Variants in ATG7 observed in about 807,000 individuals in gnomAD.
The protein encoded by ATG7 is autophagy related 7, also known as ubiquitin-like modifier-activating enzyme ATG7.
ATG7 carries 70 observed loss-of-function variants against 82.4 expected under a neutral mutation model. The observed-to-expected ratio is 0.85, with a 90% CI of 0.70 to 1.04. ATG7 has a LOEUF of 1.04. ATG7 is among the 50% of genes least tolerant of loss of function. The pLI is 0.00. For missense variants in ATG7, 792 were observed against 864.3 expected (o/e 0.92, Z 1.05); for synonymous variants, 287 against 313.0 (o/e 0.92, Z 0.88).
the ATG7 span, among the ~76,000 whole-genome samples, chr3:11,567,172 C>A: frequency 6.6e-6 from 1 of 152,150 alleles, no homozygotes; most frequent in African/African-American, 2.4e-5. Flanking sequence ...CCGAGGCGTT[C>A]CGAGCCTCGG....
chr3:11,375,557 T>A (rs1172274473), intron 18 of ATG7, among the ~76,000 whole-genome samples: 1 of 38,532 alleles, frequency 2.6e-5, no homozygotes, highest in Non-Finnish European at 9.2e-5. Context: ...GCTAGTGAGA[T>A]TTTTTTTTCC....
chr3:11,374,732 T>C (rs2077265990), intron 18 of ATG7, among the ~76,000 whole-genome samples: 1 of 151,924 alleles, frequency 6.6e-6, no homozygotes, highest in East Asian at 1.9e-4. Context: ...GGTGAAACCC[T>C]GTCTCGACTA....
At chr3:11,458,116 C>G (rs1348265892) in intron 20 of ATG7, among the ~76,000 whole-genome samples, 2 of 152,038 alleles carry the variant, frequency 1.3e-5, no homozygotes, top group Admixed American at 1.3e-4. Context: ...AAACAGCCCT[C>G]TGTTTTGCTA....
chr3:11,504,640 A>G (rs1438655929), intron 20 of ATG7, among the ~76,000 whole-genome samples: 4 of 152,258 alleles, frequency 2.6e-5, no homozygotes, highest in Admixed American at 2.6e-4. Flanking sequence ...GTCTGAACAT[A>G]TATTTAGGAG....
Position 11,306,972 on chromosome 3 carries a change from C to T in ATG7, c.245C>T (p.Pro82Leu), listed in dbSNP as rs370865102. Residue 82 changes from proline (P) to leucine (L), a missense_variant, in exon 6 of 21, where the codon CCA (proline) becomes CTA (leucine). Transcript: ENST00000693202. ...MSAPTPARCC[P>L]AIGTLYNTNT... Reference sequence around the variant, plus strand: ...GCTCCCACCCCAGCCCGTTGCTGCCCAGCTATTGGAACACTGTATAACACC... The same window carrying T: ...GCTCCCACCCCAGCCCGTTGCTGCCTAGCTATTGGAACACTGTATAACACC... 2.7e-5 allele frequency: 43 copies of T among 1,613,894 alleles called. No individual in the cohort carries two copies. Among genetic ancestry groups the T allele is most frequent in the Non-Finnish European group, 3.4e-5 (40 of 1,179,972 alleles).
intron 20 of ATG7, among the ~76,000 whole-genome samples, chr3:11,537,783 C>T (rs994615073): frequency 2.0e-5 from 3 of 152,166 alleles, no homozygotes; most frequent in African/African-American, 7.2e-5. Flanking sequence ...CCTTGATAAC[C>T]TCTGTATGGT....
chr3:11,554,905 G>A lies in ATG7; in HGVS notation c.*62G>A, dbSNP rs565480766. On this transcript the variant is annotated 3_prime_UTR_variant, in exon 21 of 21. Transcript: ENST00000693202. The stretch of plus-strand genomic sequence containing the variant: ...CCTGCTGAGGAGCTCTCCATCGCCA[G>A]AGCAGGACTGCTGACCCCAGGCCTG... 25 of 1,583,738 alleles carry A rather than the reference G, an allele frequency of 1.6e-5. No individual in the cohort carries two copies. Among genetic ancestry groups the A allele is most frequent in the Non-Finnish European group, 2.1e-5 (25 of 1,165,012 alleles).
chr3:11,485,133 G>T (rs761809880), intron 20 of ATG7, among the ~76,000 whole-genome samples: 4 of 152,160 alleles, frequency 2.6e-5, no homozygotes, highest in East Asian at 3.8e-4. Context: ...ACTTCCACAA[G>T]GGTTGAACTA....
intron 13 of ATG7, among the ~76,000 whole-genome samples, chr3:11,345,939 G>A (rs951310547): frequency 2.0e-5 from 3 of 152,174 alleles, no homozygotes; most frequent in Admixed American, 6.5e-5. Flanking sequence ...TTTTCCTACC[G>A]CTTTTTCACT....
chr3:11,427,479 G>A (rs1383906302), intron 20 of ATG7, among the ~76,000 whole-genome samples: 3 of 141,160 alleles, frequency 2.1e-5, no homozygotes, highest in African/African-American at 7.9e-5. Context: ...TAATTTCCTG[G>A]GTCATTGCAT....
chr3:11,521,515 G>A (rs1259443434), intron 20 of ATG7, among the ~76,000 whole-genome samples: 2 of 151,902 alleles, frequency 1.3e-5, no homozygotes, highest in South Asian at 2.1e-4. Context: ...CAGGGCTGCC[G>A]TGGGAGCAGC....
intron 20 of ATG7, among the ~76,000 whole-genome samples, chr3:11,462,658 T>C (rs2086428272): frequency 6.6e-6 from 1 of 151,992 alleles, no homozygotes; most frequent in South Asian, 2.1e-4. Context: ...TGGCTCTGAA[T>C]TGGTTAGTTC....
chr3:11,315,557 C>A, intron 9 of ATG7, 64 bp downstream of exon 9: 1 of 1,361,564 alleles, frequency 7.3e-7, no homozygotes, highest in Non-Finnish European at 9.8e-7. Flanking sequence ...GTTCATGTTA[C>A]AAGAGACCAC....
chr3:11,493,721 A>G (rs1234372379), intron 20 of ATG7, among the ~76,000 whole-genome samples: 1 of 152,186 alleles, frequency 6.6e-6, no homozygotes, highest in African/African-American at 2.4e-5. Flanking sequence ...ACAAAAAACA[A>G]AAGTTTCCGT....
chr3:11,299,558 T>A, intron 5 of ATG7, 142 bp downstream of exon 5: 1 of 778,490 alleles, frequency 1.3e-6, no homozygotes, highest in Non-Finnish European at 2.1e-6. Flanking sequence ...CATGATTCTC[T>A]TATACCTCCC....
At chr3:11,400,839 T>C (rs200579037) in intron 19 of ATG7, among the ~76,000 whole-genome samples, 2 of 143,136 alleles carry the variant, frequency 1.4e-5, no homozygotes, top group East Asian at 4.3e-4. Flanking sequence ...CAAACGTCAC[T>C]CAGGGTAATA....
chr3:11,413,365 C>G (rs2081084059), intron 19 of ATG7, among the ~76,000 whole-genome samples: 1 of 151,980 alleles, frequency 6.6e-6, no homozygotes, highest in Non-Finnish European at 1.5e-5. Flanking sequence ...GTGTTTTTAT[C>G]ATGAAAGGGG....
chr3:11,284,561 T>A lies in ATG7; in HGVS notation c.-11+2123T>A, dbSNP rs190955768. 9.2e-5 allele frequency among the ~76,000 whole-genome samples: 14 copies of A among 152,276 alleles called. No individual in the cohort carries two copies. The East Asian group carries it at 2.5e-3, about 27-fold the overall frequency. ...TTTTGTTCTACTTTTTTATTTTATTTTATTTTTTGAGACGGGGTCTTGCTC... is the reference window on the plus strand; with the variant it reads ...TTTTGTTCTACTTTTTTATTTTATTATATTTTTTGAGACGGGGTCTTGCTC... On this transcript the variant is annotated intron_variant, in intron 3 of 20. Transcript: ENST00000693202.
At chr3:11,430,483 A>G (rs2082772820) in intron 20 of ATG7, among the ~76,000 whole-genome samples, 3 of 152,206 alleles carry the variant, frequency 2.0e-5, no homozygotes, top group South Asian at 4.1e-4. Flanking sequence ...AACACAATCA[A>G]GATGCTAAAT....
Sources: gnomAD v4.1 joint callset for allele counts (sites outside exome capture counted in the v4.1 genomes callset) on GRCh38, gnomAD v4.1.1 for gene constraint, MANE v1.5 for transcripts, NCBI Gene and HGNC (gene_info 2026-07-23, HGNC 2026-07-21) for gene names.